OPCML: variants seen among roughly 807,000 people sequenced by gnomAD.
The protein encoded by OPCML is opioid-binding protein/cell adhesion molecule.
Under a neutral mutation model 37.8 loss-of-function variants are expected in OPCML, and 13 were observed. The observed-to-expected ratio is 0.34, with a 90% CI of 0.22 to 0.55. The LOEUF (loss-of-function observed/expected upper bound fraction) is 0.55, where lower values mean the gene tolerates loss of function less well. Ranked by LOEUF, OPCML falls within the 20% of genes least tolerant of loss-of-function variation. The pLI is 0.91. For missense variants in OPCML, 341 were observed against 435.6 expected (o/e 0.78, Z 1.93); for synonymous variants, 176 against 168.8 (o/e 1.04, Z -0.33).
At chr11:132,867,670 C>T (rs1473733278) in intron 2 of OPCML, among the ~76,000 whole-genome samples, 1 of 152,118 alleles carries the variant, frequency 6.6e-6, no homozygotes, top group African/African-American at 2.4e-5. Context: ...AAGGGTTATT[C>T]GTTTCTGGGT....
chr11:132,934,739 A>G (rs550324805), intron 2 of OPCML, among the ~76,000 whole-genome samples: 4 of 152,210 alleles, frequency 2.6e-5, no homozygotes, highest in African/African-American at 7.2e-5. Context: ...TTCATGAGTA[A>G]TTCCATTATT....
rs550610376 is a variant in OPCML at position 133,458,523 on chromosome 11, C to CG, written c.61+73740_61+73741insC. 2.9e-3 allele frequency among the ~76,000 whole-genome samples: 272 copies of CG among 93,958 alleles called. 13 individuals are homozygous for CG. The highest frequency in any genetic ancestry group is 8.4e-3 in the African/African-American group (40 of 4,734). The allele number at this position is 93,958 out of a possible 152,430, so 61.6% of individuals were successfully genotyped here. On this transcript the variant is annotated intron_variant, in intron 1 of 7. Transcript: ENST00000524381. ...GTGTGTGTATATACACATATATACA[C>CG]TGTGTGTGTATACACATATATACAC...
intron 4 of OPCML, among the ~76,000 whole-genome samples, chr11:132,475,849 G>A (rs1009852185): frequency 3.3e-5 from 5 of 152,098 alleles, no homozygotes; most frequent in African/African-American, 4.8e-5. Context: ...TCAAATGTAC[G>A]TTACATATGA....
intron 1 of OPCML, among the ~76,000 whole-genome samples, chr11:133,042,378 T>C (rs1365130693): frequency 6.6e-6 from 1 of 152,162 alleles, no homozygotes; most frequent in African/African-American, 2.4e-5. Context: ...AATAAACCCT[T>C]TGACAGATGC....
chr11:133,022,251 A>G (rs1947468985), intron 1 of OPCML, among the ~76,000 whole-genome samples: 1 of 152,144 alleles, frequency 6.6e-6, no homozygotes, highest in Non-Finnish European at 1.5e-5. Context: ...GAAATAACCT[A>G]TGAGTCCCGA....
intron 2 of OPCML, among the ~76,000 whole-genome samples, chr11:132,770,643 C>A (rs913155575): frequency 9.2e-5 from 14 of 152,110 alleles, no homozygotes; most frequent in African/African-American, 3.1e-4. Flanking sequence ...AAAATACCTC[C>A]CCCTGGAGCT....
At chr11:133,204,732 C>T (rs11223389) in intron 1 of OPCML, among the ~76,000 whole-genome samples, 44,667 of 151,472 alleles carry the variant, frequency 0.29, 8,154 homozygotes, top group African/African-American at 0.53. Flanking sequence ...CAGGAGAGAA[C>T]GCTGGCTTTA....
At chr11:132,921,360 AC>A (rs138687195) in intron 2 of OPCML, among the ~76,000 whole-genome samples, 10,743 of 152,188 alleles carry the variant, frequency 0.071, 1,281 homozygotes, top group African/African-American at 0.25. Flanking sequence ...CAGTAGAAAC[AC>A]CCACAGTGGG....
At chr11:132,765,620 CAGAT>C (rs1287430039) in intron 2 of OPCML, among the ~76,000 whole-genome samples, 2 of 152,164 alleles carry the variant, frequency 1.3e-5, no homozygotes, top group Non-Finnish European at 2.9e-5. Context: ...TTTCTAAGCT[CAGAT>C]AGAAGCAGAG....
intron 2 of OPCML, among the ~76,000 whole-genome samples, chr11:132,852,718 T>G (rs1941867346): frequency 1.3e-5 from 2 of 152,160 alleles, no homozygotes; most frequent in African/African-American, 2.4e-5. Flanking sequence ...AATTTTAGTA[T>G]ATCTTGACTC....
chr11:132,915,900 G>C (rs1034797268), intron 2 of OPCML, among the ~76,000 whole-genome samples: 2 of 152,052 alleles, frequency 1.3e-5, no homozygotes, highest in Non-Finnish European at 2.9e-5. Context: ...TGTTTTCCCA[G>C]TCTACTGCTT....
At chr11:133,148,058 C>A (rs1349618607) in intron 1 of OPCML, among the ~76,000 whole-genome samples, 1 of 152,192 alleles carries the variant, frequency 6.6e-6, no homozygotes, top group Admixed American at 6.5e-5. Context: ...GCCACACAGC[C>A]AGCTTTTCCA....
chr11:132,782,352 C>A (rs146302434), intron 2 of OPCML, among the ~76,000 whole-genome samples: 1 of 152,174 alleles, frequency 6.6e-6, no homozygotes, highest in Non-Finnish European at 1.5e-5. Flanking sequence ...ACACCCACCA[C>A]GGAGCTGAAT....
chr11:132,784,482 A>G (rs562381126), intron 2 of OPCML, among the ~76,000 whole-genome samples: 1 of 152,208 alleles, frequency 6.6e-6, no homozygotes, highest in African/African-American at 2.4e-5. Context: ...GTCTCTGCCA[A>G]AACACAAGTG....
chr11:132,509,475 C>T (rs1239556227), intron 4 of OPCML, among the ~76,000 whole-genome samples: 3 of 152,108 alleles, frequency 2.0e-5, no homozygotes, highest in Non-Finnish European at 4.4e-5. Context: ...TGATAGCAGC[C>T]CCTCCCATCA....
At chr11:132,831,132 A>G (rs577827424) in intron 2 of OPCML, among the ~76,000 whole-genome samples, 3 of 152,190 alleles carry the variant, frequency 2.0e-5, no homozygotes, top group Non-Finnish European at 4.4e-5. Context: ...GTACATGTAC[A>G]TGAAAGCAAT....
At chr11:133,214,438 T>G (rs1194210039) in intron 1 of OPCML, among the ~76,000 whole-genome samples, 1 of 152,212 alleles carries the variant, frequency 6.6e-6, no homozygotes, top group Non-Finnish European at 1.5e-5. Flanking sequence ...TAAATCTGCC[T>G]GCATTTAGCT....
At chr11:132,920,893 A>G (rs1471580857) in intron 2 of OPCML, among the ~76,000 whole-genome samples, 1 of 151,968 alleles carries the variant, frequency 6.6e-6, no homozygotes, top group East Asian at 1.9e-4. Context: ...AATCTCGGCT[A>G]TCTCCTCCCC....
chr11:133,436,139 T>TA (rs1946228333), intron 1 of OPCML, among the ~76,000 whole-genome samples: 1 of 151,458 alleles, frequency 6.6e-6, no homozygotes, highest in African/African-American at 2.4e-5. Context: ...ATTCTCAAAT[T>TA]TAAAAAAAAA....
Sources: gnomAD v4.1 joint callset for allele counts (sites outside exome capture counted in the v4.1 genomes callset) on GRCh38, gnomAD v4.1.1 for gene constraint, MANE v1.5 for transcripts, NCBI Gene and HGNC (gene_info 2026-07-23, HGNC 2026-07-21) for gene names.